RBFOX1: variants seen among roughly 807,000 people sequenced by gnomAD.
RBFOX1 encodes the protein RNA binding protein fox-1 homolog 1.
Under a neutral mutation model 57.7 loss-of-function variants are expected in RBFOX1, and 8 were observed. The ratio of observed to expected loss-of-function variants is 0.14; its 90% CI spans 0.08 to 0.25. The LOEUF is 0.25. RBFOX1 is among the 10% of genes least tolerant of loss of function. The pLI is 1.00. For missense variants in RBFOX1, 611 were observed against 548.5 expected (o/e 1.11, Z -1.14); for synonymous variants, 326 against 222.4 (o/e 1.47, Z -4.15).
chr16:6,614,003 A>C lies in RBFOX1; in HGVS notation c.-63-40600A>C, dbSNP rs142143124. Among the ~76,000 whole-genome samples the C allele has an allele frequency of 9.2e-5, 14 of 152,340 alleles. No homozygotes were observed. In the East Asian group the frequency reaches 2.5e-3, roughly 27 times the overall value. On this transcript the variant is annotated intron_variant, in intron 2 of 15. Coordinates refer to ENST00000550418, the MANE Select transcript of RBFOX1 (RefSeq NM_018723.4). ...CAATAATTTGGAAGCTTTATACAGC[A>C]ATTACTAACCAGAGTTTTTCTTTTG... is the stretch of plus-strand genomic sequence containing the variant.
intron 4 of RBFOX1, among the ~76,000 whole-genome samples, chr16:7,281,336 G>T (rs1010348109): frequency 4.6e-5 from 7 of 151,494 alleles, no homozygotes; most frequent in Admixed American, 3.9e-4. Context: ...CTTCTGCTTG[G>T]GGGGTAGTTT....
intron 2 of RBFOX1, among the ~76,000 whole-genome samples, chr16:6,630,600 T>C (rs1400745530): frequency 6.6e-6 from 1 of 152,134 alleles, no homozygotes; most frequent in Non-Finnish European, 1.5e-5. Flanking sequence ...TTTGTTCAAG[T>C]CTCCTTGCTA....
chr16:6,866,539 C>CTCTTTTTTTTTT (rs1161474639), intron 3 of RBFOX1, among the ~76,000 whole-genome samples: 2 of 49,090 alleles, frequency 4.1e-5, no homozygotes, highest in Non-Finnish European at 7.3e-5. Flanking sequence ...TTCTTTCCTT[C>CTCTTTTTTTTTT]TATTTTTTTT....
intron 3 of RBFOX1, among the ~76,000 whole-genome samples, chr16:5,641,533 C>G (rs2048875632): frequency 6.6e-6 from 1 of 152,228 alleles, no homozygotes; most frequent in African/African-American, 2.4e-5. Flanking sequence ...CACAGGGTCA[C>G]TGTGCCACCT....
chr16:5,516,254 C>T (rs1344729687), intron 2 of RBFOX1, among the ~76,000 whole-genome samples: 1 of 152,124 alleles, frequency 6.6e-6, no homozygotes, highest in African/African-American at 2.4e-5. Flanking sequence ...CCATCACTTT[C>T]TGTCTCCCAT....
At chr16:5,910,311 C>G (rs1848070425) in intron 4 of RBFOX1, among the ~76,000 whole-genome samples, 2 of 152,094 alleles carry the variant, frequency 1.3e-5, no homozygotes, top group African/African-American at 4.8e-5. Context: ...GCACGTTCTC[C>G]CGTTCCCTGC....
intron 3 of RBFOX1, among the ~76,000 whole-genome samples, chr16:5,633,001 T>C (rs1052999179): frequency 2.0e-5 from 3 of 151,128 alleles, no homozygotes; most frequent in African/African-American, 4.9e-5. Flanking sequence ...TGCAGTGTTA[T>C]GATCTCAGCT....
chr16:7,373,157 T>C (rs574199973), intron 4 of RBFOX1, among the ~76,000 whole-genome samples: 1 of 152,128 alleles, frequency 6.6e-6, no homozygotes, highest in East Asian at 2.0e-4. Context: ...TGGTTATCGC[T>C]CTCCTGACCT....
intron 3 of RBFOX1, among the ~76,000 whole-genome samples, chr16:6,889,056 T>C (rs956420210): frequency 3.9e-5 from 6 of 152,190 alleles, no homozygotes; most frequent in African/African-American, 1.2e-4. Flanking sequence ...TTTGATTGTA[T>C]TTTTTCCCTT....
intron 1 of RBFOX1, among the ~76,000 whole-genome samples, chr16:6,226,029 G>T (rs573761181): frequency 3.9e-5 from 6 of 152,030 alleles, no homozygotes; most frequent in Non-Finnish European, 8.8e-5. Flanking sequence ...CATTCCTGCA[G>T]TTCCTTTCCA....
chr16:7,029,306 G>C (rs920297789), intron 3 of RBFOX1, among the ~76,000 whole-genome samples: 3 of 143,740 alleles, frequency 2.1e-5, no homozygotes, highest in Non-Finnish European at 4.5e-5. Context: ...ATACGTATAT[G>C]TATATATATA....
chr16:6,450,801 GTATATATATATATA>G (rs1186562440), intron 2 of RBFOX1, among the ~76,000 whole-genome samples: 1 of 16,462 alleles, frequency 6.1e-5, no homozygotes, highest in Non-Finnish European at 1.2e-4. Flanking sequence ...ATATATATAT[GTATATATATATATA>G]TACATATATA....
chr16:7,261,868 C>T (rs2094932022), intron 4 of RBFOX1, among the ~76,000 whole-genome samples: 1 of 152,136 alleles, frequency 6.6e-6, no homozygotes, highest in South Asian at 2.1e-4. Context: ...GTTCAGGAGG[C>T]AAGGTTCCTT....
At chr16:6,732,398 G>T (rs1316681518) in intron 3 of RBFOX1, among the ~76,000 whole-genome samples, 1 of 152,188 alleles carries the variant, frequency 6.6e-6, no homozygotes, top group Non-Finnish European at 1.5e-5. Flanking sequence ...CCCAAGGCAG[G>T]TGACCTCTCT....
intron 3 of RBFOX1, among the ~76,000 whole-genome samples, chr16:7,037,051 G>A (rs549928112): frequency 6.6e-6 from 1 of 152,074 alleles, no homozygotes; most frequent in African/African-American, 2.4e-5. Flanking sequence ...AGGACAACCA[G>A]AGGTCACCTT....
At chr16:7,345,404 T>A (rs2145578951) in intron 4 of RBFOX1, among the ~76,000 whole-genome samples, 1 of 152,328 alleles carries the variant, frequency 6.6e-6, no homozygotes, top group East Asian at 1.9e-4. Flanking sequence ...CGGGCAGCCC[T>A]GTATTTGCCT....
intron 4 of RBFOX1, among the ~76,000 whole-genome samples, chr16:7,350,009 T>C (rs1396919061): frequency 6.6e-6 from 1 of 152,080 alleles, no homozygotes; most frequent in East Asian, 1.9e-4. Context: ...TTAGCTGGCA[T>C]GATGGCGCAT....
intron 3 of RBFOX1, among the ~76,000 whole-genome samples, chr16:5,728,336 C>G (rs577506549): frequency 1.2e-4 from 18 of 152,296 alleles, no homozygotes; most frequent in Middle Eastern, 3.4e-3. Context: ...CTTTTTATCC[C>G]TATTGTCAAA....
intron 2 of RBFOX1, among the ~76,000 whole-genome samples, chr16:6,632,809 C>T (rs1283372981): frequency 2.0e-5 from 3 of 152,184 alleles, no homozygotes; most frequent in African/African-American, 7.2e-5. Context: ...CTCTTCTTTT[C>T]ATTATATTTG....
Sources: allele counts gnomAD v4.1 joint callset (sites outside exome capture counted in the v4.1 genomes callset), GRCh38; gene constraint gnomAD v4.1.1; transcripts MANE v1.5; gene names NCBI Gene and HGNC (gene_info 2026-07-23, HGNC 2026-07-21).